The following DEUP1 variants were observed in gnomAD, a reference collection of about 807,000 sequenced individuals.
DEUP1 encodes the protein coiled-coil domain containing 67.
In DEUP1, 82 loss-of-function variants were observed where a neutral mutation model predicts 87.4. The ratio of observed to expected loss-of-function variants is 0.94; its 90% CI spans 0.78 to 1.13. The LOEUF is 1.13. Among genes scored for constraint, DEUP1 ranks in the 50% most tolerant of loss-of-function variants. The pLI is 0.00. For synonymous variants in DEUP1, 214 were observed against 222.7 expected (o/e 0.96, Z 0.35); for missense variants, 663 against 681.5 (o/e 0.97, Z 0.30).
chr11:93,359,153 A>G (rs1055933452), intron 4 of DEUP1, among the ~76,000 whole-genome samples: 1 of 152,232 alleles, frequency 6.6e-6, no homozygotes, highest in East Asian at 1.9e-4. Flanking sequence ...TTTTCTAAGC[A>G]GAAAATGGTA....
In DEUP1 at chr11:93,355,498, G is replaced by T. The variant is rs775320691; in HGVS notation, c.157G>T (p.Glu53Ter). 2.4e-5 allele frequency: 39 copies of T among 1,613,652 alleles called. No homozygotes were observed. The highest frequency in any genetic ancestry group is 2.9e-5 in the Non-Finnish European group (34 of 1,179,788). The change falls in exon 3 of 14, where the codon GAA becomes TAA. Residue 53 changes from glutamate to a stop codon, truncating the protein, a stop_gained. Transcript: ENST00000298050. LOFTEE classifies it high-confidence loss of function. Reference protein sequence around the residue: ...LETRLDLRDQELANAQTCLDQ... With the variant: ...LETRLDLRDQ ...GACACGATTAGATCTTCGGGATCAAGAATTGGCAAATGCACAAACTTGTTT... is the reference window on the plus strand; with the variant it reads ...GACACGATTAGATCTTCGGGATCAATAATTGGCAAATGCACAAACTTGTTT...
In DEUP1 at chr11:93,437,960, C is replaced by A; in HGVS notation, c.*241C>A. The A allele has an allele frequency of 6.9e-6, 2 of 290,628 alleles. No individual in the cohort carries two copies. The highest frequency in any genetic ancestry group is 6.4e-6 in the Non-Finnish European group (1 of 157,056). 18.0% of individuals were successfully genotyped at this position (290,628 alleles called of 1,614,324 possible). A position where few individuals can be genotyped will look rare whatever the true frequency, so the allele number is the denominator to read the frequency against. On this transcript the variant is annotated 3_prime_UTR_variant, in exon 14 of 14. Transcript: ENST00000298050. ...TTACTATAAAATAAACATGACTATT[C>A]CAAAAGAGATTTTTTTCCAGTCTAA...
At chr11:93,407,005 C>T (rs1032131286) in intron 11 of DEUP1, among the ~76,000 whole-genome samples, 1 of 151,902 alleles carries the variant, frequency 6.6e-6, no homozygotes, top group Non-Finnish European at 1.5e-5. Flanking sequence ...TGTAGTAACA[C>T]AGGCTCCTTA....
intron 13 of DEUP1, among the ~76,000 whole-genome samples, chr11:93,434,967 G>A (rs1222161058): frequency 2.0e-5 from 3 of 152,114 alleles, no homozygotes; most frequent in Non-Finnish European, 4.4e-5. Flanking sequence ...AGCATCCTCT[G>A]GATAGTGCTG....
intron 7 of DEUP1, among the ~76,000 whole-genome samples, chr11:93,373,199 T>G (rs966091393): frequency 6.6e-6 from 1 of 152,198 alleles, no homozygotes; most frequent in Admixed American, 6.5e-5. Context: ...CAAAGCATTC[T>G]CTGCTTTGTC....
intron 4 of DEUP1, among the ~76,000 whole-genome samples, chr11:93,362,739 T>G (rs1945233021): frequency 6.6e-6 from 1 of 151,870 alleles, no homozygotes; most frequent in African/African-American, 2.4e-5. Context: ...ACACAAAAAC[T>G]TCTATGTAAC....
chr11:93,419,061 T>C (rs1466741687), intron 13 of DEUP1, among the ~76,000 whole-genome samples: 2 of 151,026 alleles, frequency 1.3e-5, no homozygotes, highest in African/African-American at 2.4e-5. Context: ...AGGGATAGCA[T>C]TGGGAGATAT....
Position 93,394,633 on chromosome 11 carries a change from G to T in DEUP1, c.1216G>T (p.Glu406Ter). 6.2e-7 allele frequency: 1 copy of T among 1,610,050 alleles called. No individual in the cohort carries two copies. The highest frequency in any genetic ancestry group is 8.5e-7 in the Non-Finnish European group (1 of 1,178,724). Residue 406 changes from glutamate to a stop codon, truncating the protein, a stop_gained, in exon 10 of 14, where the codon GAA becomes TAA. Transcript: ENST00000298050. LOFTEE classifies it high-confidence loss of function. ...GTTAAAAATGGAATTAGAAATAAAA[G>T]AAAAAATGTTAGCAAAACAAAAGGT... ...KQLKMELEIKEKMLAKQKVSD... is the reference protein window; with the variant it reads ...KQLKMELEIK
chr11:93,332,036 G>A (rs759817971), intron 1 of DEUP1, among the ~76,000 whole-genome samples, 180 bp from the exon 2 acceptor site: 5 of 152,040 alleles, frequency 3.3e-5, no homozygotes, highest in South Asian at 2.1e-4. Flanking sequence ...GCTAGACTCC[G>A]TCTCAAAAAA....
Position 93,437,743 on chromosome 11 carries a change from T to TCCCCCCCCCCCCCC in DEUP1, c.*33_*34insCCCCCCCCCCCCCC, listed in dbSNP as rs5793640. Reference sequence around the variant, plus strand: ...GAGCTTTTAAACTTTTTTATTTGCTTCCCCCCCCCACCCCCGCCAAGAAAA... The same window carrying TCCCCCCCCCCCCCC: ...GAGCTTTTAAACTTTTTTATTTGCTTCCCCCCCCCCCCCCCCCCCCCCCACCCCCGCCAAGAAAA... On this transcript the variant is annotated 3_prime_UTR_variant, in exon 14 of 14. Coordinates refer to ENST00000298050, the MANE Select transcript of DEUP1 (RefSeq NM_181645.4). 3 of 929,192 alleles carry TCCCCCCCCCCCCCC rather than the reference T, an allele frequency of 3.2e-6. No homozygotes were observed. The highest frequency in any genetic ancestry group is 2.0e-5 in the African/African-American group (1 of 50,558). The allele number at this position is 929,192 out of a possible 1,614,324, so 57.6% of individuals were successfully genotyped here.
chr11:93,405,352 T>C (rs980774154), intron 11 of DEUP1, among the ~76,000 whole-genome samples: 1 of 152,020 alleles, frequency 6.6e-6, no homozygotes, highest in Non-Finnish European at 1.5e-5. Flanking sequence ...CAGATTGCTC[T>C]TTTATCTGCA....
intron 7 of DEUP1, among the ~76,000 whole-genome samples, chr11:93,372,593 A>G (rs1054519806): frequency 6.6e-6 from 1 of 152,118 alleles, no homozygotes; most frequent in African/African-American, 2.4e-5. Context: ...CTACTGTTCT[A>G]TGTTCCTCTT....
At position 93,388,900 on chromosome 11, in the gene DEUP1, T is replaced by C. The variant is rs1186906162; in HGVS notation, c.936-120T>C. On this transcript the variant is annotated intron_variant, in intron 8 of 13. Coordinates refer to ENST00000298050, the MANE Select transcript of DEUP1 (RefSeq NM_181645.4). ...AACTTGCAATTTCTGTAACTAAAAA[T>C]GTTTCCAACAAAGTAATGATCTATC... The C allele has an allele frequency of 3.7e-5, 22 of 587,704 alleles. No individual in the cohort carries two copies. In the East Asian group the frequency reaches 7.0e-4, roughly 19 times the overall value. The allele number at this position is 587,704 out of a possible 1,614,324, so 36.4% of individuals were successfully genotyped here. A position where few individuals can be genotyped will look rare whatever the true frequency, so the allele number is the denominator to read the frequency against.
intron 4 of DEUP1, among the ~76,000 whole-genome samples, chr11:93,361,993 A>G (rs1945197287): frequency 1.3e-5 from 2 of 152,058 alleles, no homozygotes; most frequent in South Asian, 4.1e-4. Flanking sequence ...CAAATGGTGC[A>G]ATGACAAGAG....
chr11:93,370,099 G>A lies in DEUP1; in HGVS notation c.459G>A (p.Trp153Ter), dbSNP rs1406167163. ...LEEFRAKSRE[W>*]DKQEILYQTH... Reference sequence around the variant, plus strand: ...AATTTAGAGCAAAGTCAAGAGAATGGGACAAGCAAGAGATATTATATCAGA... The same window carrying A: ...AATTTAGAGCAAAGTCAAGAGAATGAGACAAGCAAGAGATATTATATCAGA... Residue 153 changes from tryptophan (W) to a stop codon, truncating the protein, a stop_gained, in exon 6 of 14, where the codon TGG becomes TGA. Transcript: ENST00000298050. LOFTEE classifies it high-confidence loss of function. 2 of 1,603,860 alleles carry A rather than the reference G, an allele frequency of 1.2e-6. No homozygotes were observed. Among genetic ancestry groups the A allele is most frequent in the Non-Finnish European group, 8.5e-7 (1 of 1,173,566 alleles).
intron 11 of DEUP1, among the ~76,000 whole-genome samples, chr11:93,402,731 G>T (rs1947156054): frequency 6.6e-6 from 1 of 151,926 alleles, no homozygotes; most frequent in African/African-American, 2.4e-5. Context: ...GGATGAAACT[G>T]CTAGAGGTCA....
chr11:93,381,852 T>A (rs1334637398), intron 7 of DEUP1, among the ~76,000 whole-genome samples: 1 of 152,166 alleles, frequency 6.6e-6, no homozygotes, highest in Non-Finnish European at 1.5e-5. Context: ...ACCCACTATA[T>A]ATCCAAAATA....
chr11:93,360,138 A>G (rs1166734675), intron 4 of DEUP1, among the ~76,000 whole-genome samples: 1 of 152,172 alleles, frequency 6.6e-6, no homozygotes, highest in African/African-American at 2.4e-5. Context: ...CAAGGCACCC[A>G]TGCCCCTTCA....
chr11:93,389,934 A>G (rs1202144728), intron 9 of DEUP1, among the ~76,000 whole-genome samples: 1 of 152,246 alleles, frequency 6.6e-6, no homozygotes, highest in African/African-American at 2.4e-5. Context: ...AGCTAGAAAT[A>G]CAAGGATGAG....
Sources: allele counts gnomAD v4.1 joint callset (sites outside exome capture counted in the v4.1 genomes callset), GRCh38; gene constraint gnomAD v4.1.1; transcripts MANE v1.5; gene names NCBI Gene and HGNC (gene_info 2026-07-23, HGNC 2026-07-21).